The following TMPRSS6 variants were observed in gnomAD, a reference collection of about 807,000 sequenced individuals.
TMPRSS6 encodes transmembrane protease serine 6.
In TMPRSS6, 67 loss-of-function variants were observed where a neutral mutation model predicts 101.5. That is an observed-to-expected ratio of 0.66 (90% CI 0.54 to 0.81). The LOEUF (loss-of-function observed/expected upper bound fraction) is 0.81, where lower values mean the gene tolerates loss of function less well. Among genes scored for constraint, TMPRSS6 ranks in the 30% least tolerant of loss-of-function variants. The pLI is 0.00. For synonymous variants in TMPRSS6, 453 were observed against 464.9 expected (o/e 0.97, Z 0.33); for missense variants, 1,034 against 1,088.7 (o/e 0.95, Z 0.71).
At chr22:37,087,054 G>A (rs765781738) in intron 7 of TMPRSS6, among the ~76,000 whole-genome samples, 56 of 152,242 alleles carry the variant, frequency 3.7e-4, no homozygotes, top group African/African-American at 1.2e-3. Flanking sequence ...AGGCCCTACC[G>A]GCAGTCCATG....
chr22:37,099,691 T>C (rs1930128089), intron 2 of TMPRSS6, among the ~76,000 whole-genome samples: 1 of 152,078 alleles, frequency 6.6e-6, no homozygotes, highest in African/African-American at 2.4e-5. Context: ...TTAGAGGTGG[T>C]CAGTGCGGTG....
chr22:37,069,094 A>G lies in TMPRSS6; in HGVS notation c.2092T>C (p.Trp698Arg), dbSNP rs775177435. The G allele has an allele frequency of 4.5e-6, 7 of 1,548,564 alleles. No individual in the cohort carries two copies. The East Asian group carries it at 1.2e-4, about 27-fold the overall frequency. The change falls in exon 16 of 18, where the codon TGG (tryptophan) becomes CGG (arginine). Residue 698 changes from tryptophan to arginine, a missense_variant. Trp to Arg is a moderately radical substitution (Grantham distance 101). Transcript: ENST00000676104. This position sits in a 1 kb window ranked among gnomAD's most constrained non-coding sequence, Gnocchi z 4.8. ...TCACCGCCCTCGCGCAAGGCGCCCC[A>G]GCCCGTAATCCAGCAGTGCAGGCCG... is the stretch of plus-strand genomic sequence containing the variant. The part of the protein sequence containing the change: ...EPGLHCWITG[W>R]GALREGGPIS...
Position 37,070,767 on chromosome 22 carries a change from G to A in TMPRSS6, c.1673-115C>T, listed in dbSNP as rs878879620. The A allele has an allele frequency of 4.9e-5, 65 of 1,338,042 alleles. 1 individual carries two copies. The South Asian group carries it at 6.3e-4, about 13-fold the overall frequency. 82.9% of individuals were successfully genotyped at this position (1,338,042 alleles called of 1,614,324 possible). A position where few individuals can be genotyped will look rare whatever the true frequency, so the allele number is the denominator to read the frequency against. On this transcript the variant is annotated intron_variant, in intron 14 of 17. Coordinates refer to ENST00000676104, the MANE Select transcript of TMPRSS6 (RefSeq NM_001374504.1). ...AGACAGAGAACAGGAGAATGATGGA[G>A]GGGGAGAGACCATCAGGACCCAGGC...
intron 1 of TMPRSS6, among the ~76,000 whole-genome samples, chr22:37,104,318 C>G (rs1930574950): frequency 6.6e-6 from 1 of 152,112 alleles, no homozygotes. Context: ...CCCTGAAGCC[C>G]AGAGAGGCTA....
intron 1 of TMPRSS6, among the ~76,000 whole-genome samples, chr22:37,109,001 G>A (rs1048391870): frequency 1.7e-4 from 26 of 152,228 alleles, no homozygotes; most frequent in Admixed American, 1.4e-3. Context: ...ATTCATAGAT[G>A]CACGCCCTTC....
In TMPRSS6 at chr22:37,065,745, C is replaced by G. The variant is rs571730304; in HGVS notation, c.*335G>C. On this transcript the variant is annotated 3_prime_UTR_variant, in exon 18 of 18. Coordinates refer to ENST00000676104, the MANE Select transcript of TMPRSS6 (RefSeq NM_001374504.1). ...AGAGTGGGGCGCACCTCAGACACTC[C>G]TCGGGATGTAGAACCAGCATTCTTG... 2.6e-6 allele frequency: 1 copy of G among 389,848 alleles called. No homozygotes were observed. The highest frequency in any genetic ancestry group is 2.0e-5 in the African/African-American group (1 of 48,898). 24.1% of individuals were successfully genotyped at this position (389,848 alleles called of 1,614,324 possible).
At chr22:37,076,036 AAG>A (rs1257509543) in intron 10 of TMPRSS6, among the ~76,000 whole-genome samples, 5 of 151,928 alleles carry the variant, frequency 3.3e-5, no homozygotes, top group Admixed American at 3.3e-4. Flanking sequence ...AAGAGAAAGA[AAG>A]AAAGGGAGAG....
chr22:37,081,345 C>T (rs568492383), intron 10 of TMPRSS6, among the ~76,000 whole-genome samples: 2 of 152,322 alleles, frequency 1.3e-5, no homozygotes, highest in Non-Finnish European at 2.9e-5. Context: ...TGTAAGTCCT[C>T]GCCCAGGTAG....
rs767320092 is a variant in TMPRSS6 at position 37,074,604 on chromosome 22, A to T, written c.1441+6T>A. On this transcript the variant is annotated splice_donor_region_variant and intron_variant, in intron 12 of 17. Transcript: ENST00000676104. The stretch of plus-strand genomic sequence containing the variant: ...GAGAGGAGGGATGCGCGGGCGGGTT[A>T]CTCACCGCAGTTTCTCTCATCCAGG... 1 of 1,612,108 alleles carries T rather than the reference A, an allele frequency of 6.2e-7. No individual in the cohort carries two copies. The highest frequency in any genetic ancestry group is 1.3e-5 in the African/African-American group (1 of 74,860).
intron 10 of TMPRSS6, 125 bp downstream of exon 10, chr22:37,084,156 GCCCCAGCCTCTGCT>G: frequency 2.6e-6 from 2 of 776,598 alleles, no homozygotes; most frequent in Non-Finnish European, 4.4e-6. Flanking sequence ...CCTGACACCA[GCCCCAGCCTCTGCT>G]CGCTCCCCTT....
intron 2 of TMPRSS6, among the ~76,000 whole-genome samples, chr22:37,098,970 C>T (rs1285370819): frequency 3.3e-5 from 5 of 152,240 alleles, no homozygotes. Flanking sequence ...CCACCTACTA[C>T]ATGGGGTACG....
In TMPRSS6 at chr22:37,095,111, G is replaced by A. The variant is rs139858170; in HGVS notation, c.631+440C>T. 4.2e-3 allele frequency among the ~76,000 whole-genome samples: 641 copies of A among 152,278 alleles called. 5 individuals are homozygous for A. The highest frequency in any genetic ancestry group is 0.015 in the African/African-American group (616 of 41,542). The stretch of plus-strand genomic sequence containing the variant: ...AAGGAAAGGAAAAGAGGGAAGGAGC[G>A]TTCTTGAATGCAATGGCACCGCTAC... On this transcript the variant is annotated intron_variant, in intron 6 of 17. Coordinates refer to ENST00000676104, the MANE Select transcript of TMPRSS6 (RefSeq NM_001374504.1).
chr22:37,110,056 G>A (rs367731109), upstream of TMPRSS6, among the ~76,000 whole-genome samples: 6 of 152,040 alleles, frequency 3.9e-5, no homozygotes, highest in East Asian at 1.2e-3. Context: ...TCTGGGGACT[G>A]GAGAGGAGAA....
Position 37,090,432 on chromosome 22 carries a change from C to T in TMPRSS6, c.632-650G>A, listed in dbSNP as rs1032344506. 2.1e-4 allele frequency among the ~76,000 whole-genome samples: 32 copies of T among 152,268 alleles called. 1 individual carries two copies. Among genetic ancestry groups the T allele is most frequent in the Admixed American group, 1.6e-3 (25 of 15,296 alleles). On this transcript the variant is annotated intron_variant, in intron 6 of 17. Coordinates refer to ENST00000676104, the MANE Select transcript of TMPRSS6 (RefSeq NM_001374504.1). ...GAAGAAGGGATGAGGGCTTCACTTC[C>T]GGTAGAGAGAAGGGAGTGCCCTAAG...
intron 7 of TMPRSS6, 35 bp from the exon 8 acceptor site, chr22:37,086,454 G>A (rs1396376450): frequency 1.3e-6 from 2 of 1,556,764 alleles, no homozygotes; most frequent in Non-Finnish European, 8.7e-7. Context: ...GCTGGGCTGG[G>A]GTCTGGGAGG....
rs5756516 is a variant in TMPRSS6 at position 37,103,659 on chromosome 22, C to T, written c.-1-241G>A. On this transcript the variant is annotated intron_variant, in intron 1 of 17. Coordinates refer to ENST00000676104, the MANE Select transcript of TMPRSS6 (RefSeq NM_001374504.1). This position sits in a 1 kb window ranked among gnomAD's most constrained non-coding sequence, Gnocchi z 4.4. ...TGGACTGGGTCTGGCTCAAGAACCC[C>T]ACCTTTGCTTCCCACTGGCTTCCCT... The T allele has an allele frequency of 0.38, 555,588 of 1,444,636 alleles. 109,814 individuals carry two copies. The highest frequency in any genetic ancestry group is 0.4 in the Non-Finnish European group (420,133 of 1,038,576). 89.5% of individuals were successfully genotyped at this position (1,444,636 alleles called of 1,614,324 possible). A position where few individuals can be genotyped will look rare whatever the true frequency, so the allele number is the denominator to read the frequency against.
At position 37,072,047 on chromosome 22, in the gene TMPRSS6, A is replaced by G. The variant is rs139787318; in HGVS notation, c.1556-1015T>C. Among the ~76,000 whole-genome samples the G allele has an allele frequency of 2.7e-3, 397 of 145,992 alleles. 1 individual carries two copies. The highest frequency in any genetic ancestry group is 7.6e-3 in the Middle Eastern group (2 of 264). ...TGACGGATGAATGGATGGATGGTGG[A>G]TGGATGGATGATGGATGGTTGGATG... On this transcript the variant is annotated intron_variant, in intron 13 of 17. Coordinates refer to ENST00000676104, the MANE Select transcript of TMPRSS6 (RefSeq NM_001374504.1).
upstream of TMPRSS6, among the ~76,000 whole-genome samples, chr22:37,110,069 G>A (rs1209672554): frequency 3.9e-5 from 6 of 152,100 alleles, no homozygotes; most frequent in Admixed American, 3.3e-4. Flanking sequence ...GAGGAGAAAG[G>A]GGAGGCAGGG....
In TMPRSS6 at chr22:37,090,415, G is replaced by C. The variant is rs1480464705; in HGVS notation, c.632-633C>G. On this transcript the variant is annotated intron_variant, in intron 6 of 17. Transcript: ENST00000676104. ...GCCACAGGCAATGAGGAGAAGAAGG[G>C]ATGAGGGCTTCACTTCCGGTAGAGA... 3.9e-5 allele frequency among the ~76,000 whole-genome samples: 6 copies of C among 152,224 alleles called. No individual in the cohort carries two copies. The East Asian group carries it at 1.2e-3, about 29-fold the overall frequency.
Sources: gnomAD v4.1 joint callset for allele counts (sites outside exome capture counted in the v4.1 genomes callset) on GRCh38, gnomAD v4.1.1 for gene constraint, Gnocchi (gnomAD v3.1) non-coding constraint, MANE v1.5 for transcripts, NCBI Gene and HGNC (gene_info 2026-07-23, HGNC 2026-07-21) for gene names.